PPP2R2C: variants seen among roughly 807,000 people sequenced by gnomAD.
PPP2R2C encodes protein phosphatase 2 regulatory subunit Bgamma.
Under a neutral mutation model 45.3 loss-of-function variants are expected in PPP2R2C, and 10 were observed. The ratio of observed to expected loss-of-function variants is 0.22; its 90% CI spans 0.14 to 0.37. The LOEUF (loss-of-function observed/expected upper bound fraction) is 0.37, where lower values mean the gene tolerates loss of function less well. PPP2R2C is among the 10% of genes least tolerant of loss of function. The pLI is 1.00. For missense variants in PPP2R2C, 308 were observed against 619.7 expected, an observed-to-expected ratio of 0.50 and a Z score of 5.34; for synonymous variants, 257 against 245.4, an observed-to-expected ratio of 1.05 and a Z score of -0.44.
chr4:6,538,445 A>T (rs1214599294), intron 1 of PPP2R2C, among the ~76,000 whole-genome samples: 1 of 152,224 alleles, frequency 6.6e-6, no homozygotes, highest in Non-Finnish European at 1.5e-5. Context: ...CAAAACGGAA[A>T]CATACAAGGA....
chr4:6,537,021 G>C (rs2108828221), intron 1 of PPP2R2C, among the ~76,000 whole-genome samples: 1 of 152,200 alleles, frequency 6.6e-6, no homozygotes, highest in South Asian at 2.1e-4. Context: ...TGGCCAACAT[G>C]GTGAAACCCT....
intron 5 of PPP2R2C, among the ~76,000 whole-genome samples, chr4:6,367,611 G>A (rs577933831): frequency 6.6e-6 from 1 of 152,252 alleles, no homozygotes; most frequent in East Asian, 1.9e-4. Flanking sequence ...CTCCTCCCAT[G>A]TCAGAAATGA....
chr4:6,349,609 G>A (rs533309536), intron 5 of PPP2R2C: 9 of 982,618 alleles, frequency 9.2e-6, no homozygotes, highest in East Asian at 2.3e-4. Context: ...GGGAGGCCGA[G>A]GCGGGCGGAT....
intron 1 of PPP2R2C, among the ~76,000 whole-genome samples, chr4:6,435,914 G>A (rs1236563740): frequency 6.6e-6 from 1 of 152,162 alleles, no homozygotes; most frequent in Admixed American, 6.6e-5. Context: ...GTCTGAATGT[G>A]TGTCCCCCCG....
intron 1 of PPP2R2C, among the ~76,000 whole-genome samples, chr4:6,552,240 T>C (rs1725207116): frequency 2.0e-5 from 3 of 152,320 alleles, no homozygotes; most frequent in South Asian, 4.1e-4. Context: ...CTGTAACACA[T>C]TTCCACAACC....
At chr4:6,406,882 T>A (rs79225330) in intron 1 of PPP2R2C, among the ~76,000 whole-genome samples, 2,841 of 152,314 alleles carry the variant, frequency 0.019, 73 homozygotes, top group African/African-American at 0.064. Context: ...AATTAAGGAT[T>A]CTGAGATGAG....
intron 1 of PPP2R2C, chr4:6,383,727 G>T: frequency 4.0e-6 from 3 of 757,650 alleles, no homozygotes; most frequent in Non-Finnish European, 5.1e-6. Flanking sequence ...TCATCTGTAG[G>T]CTCTCTTCCT....
At chr4:6,489,568 A>G (rs974744427) in intron 2 of PPP2R2C, among the ~76,000 whole-genome samples, 1 of 152,164 alleles carries the variant, frequency 6.6e-6, no homozygotes, top group African/African-American at 2.4e-5. Context: ...ACTTTTGACA[A>G]TTTTCTTTGA....
At chr4:6,531,183 G>A (rs1254465320) in intron 2 of PPP2R2C, among the ~76,000 whole-genome samples, 2 of 152,330 alleles carry the variant, frequency 1.3e-5, no homozygotes, top group Non-Finnish European at 2.9e-5. Context: ...AGCCGGCACC[G>A]CTCTCCAGGG....
At chr4:6,429,196 CT>C (rs1719490520) in intron 1 of PPP2R2C, among the ~76,000 whole-genome samples, 1 of 152,224 alleles carries the variant, frequency 6.6e-6, no homozygotes, top group African/African-American at 2.4e-5. Context: ...CTACCACCCC[CT>C]GTGGTATACC....
At position 6,450,162 on chromosome 4, in the gene PPP2R2C, C is replaced by T. The variant is rs76707912; in HGVS notation, c.70+21998G>A. On this transcript the variant is annotated intron_variant, in intron 1 of 8. Coordinates refer to ENST00000382599, the MANE Select transcript of PPP2R2C (RefSeq NM_020416.4). ...ATCCCAATTCCAGCATCCCTGCCGGCTGTGCAGCCCTCGGCAAGAAGCCTG... is the reference window on the plus strand; with the variant it reads ...ATCCCAATTCCAGCATCCCTGCCGGTTGTGCAGCCCTCGGCAAGAAGCCTG... Among the ~76,000 whole-genome samples the T allele has an allele frequency of 2.0e-5, 3 of 152,326 alleles. No homozygotes were observed. The East Asian group carries it at 5.8e-4, about 29-fold the overall frequency.
intron 2 of PPP2R2C, among the ~76,000 whole-genome samples, chr4:6,511,579 G>A (rs1577229530): frequency 1.7e-5 from 1 of 59,192 alleles, no homozygotes; most frequent in Non-Finnish European, 3.6e-5. Context: ...GGTGATGGCG[G>A]TGGTGGTGGT....
chr4:6,549,896 A>G (rs1725126321), intron 1 of PPP2R2C, among the ~76,000 whole-genome samples: 1 of 152,210 alleles, frequency 6.6e-6, no homozygotes, highest in African/African-American at 2.4e-5. Context: ...CCAGGTGAAT[A>G]TCTGGGGAGA....
intron 1 of PPP2R2C, among the ~76,000 whole-genome samples, chr4:6,425,220 A>G (rs4324617): frequency 0.85 from 129,138 of 152,096 alleles, 55,172 homozygotes; most frequent in Middle Eastern, 0.9. Flanking sequence ...ATAATTCCCT[A>G]TCCACCTGTC....
At chr4:6,335,748 G>C (rs1560451928) in intron 6 of PPP2R2C, among the ~76,000 whole-genome samples, 1 of 151,942 alleles carries the variant, frequency 6.6e-6, no homozygotes, top group Non-Finnish European at 1.5e-5. Context: ...GGGGAGGTGA[G>C]AGGAGGGGGA....
At chr4:6,515,540 C>G (rs539493549) in intron 2 of PPP2R2C, among the ~76,000 whole-genome samples, 1 of 152,244 alleles carries the variant, frequency 6.6e-6, no homozygotes, top group African/African-American at 2.4e-5. Context: ...CCACAGAGTA[C>G]TCACCTCAAA....
rs58678237 is a variant in PPP2R2C, at chr4:6,545,150, C to G, written c.-58-9773G>C. ...TACGTTATTAATGAAAAAGTCAGGC[C>G]TATTGCCTCCTCCAGACATTTTGGA... On this transcript the variant is annotated intron_variant, in intron 1 of 9. Coordinates refer to the PPP2R2C transcript ENST00000506140. Among the ~76,000 whole-genome samples, 26 of 152,302 alleles carry G rather than the reference C, an allele frequency of 1.7e-4. 2 individuals carry two copies. In the East Asian group the frequency reaches 5.0e-3, roughly 29 times the overall value.
intron 1 of PPP2R2C, among the ~76,000 whole-genome samples, chr4:6,390,514 C>T (rs1016549192): frequency 6.6e-6 from 1 of 152,230 alleles, no homozygotes; most frequent in Admixed American, 6.5e-5. Flanking sequence ...AGGCCCCTCC[C>T]CATGTCACCC....
chr4:6,384,506 G>T, intron 1 of PPP2R2C: 1 of 971,322 alleles, frequency 1.0e-6, no homozygotes, highest in Non-Finnish European at 1.2e-6. Context: ...GCTGTATTGA[G>T]GTACAATCAA....
Sources: gnomAD v4.1 joint callset for allele counts (sites outside exome capture counted in the v4.1 genomes callset) on GRCh38, gnomAD v4.1.1 for gene constraint, MANE v1.5 for transcripts, NCBI Gene and HGNC (gene_info 2026-07-23, HGNC 2026-07-21) for gene names.